Variants in SLC24A2 observed in about 807,000 individuals in gnomAD.
SLC24A2 encodes sodium/potassium/calcium exchanger 2.
Under a neutral mutation model 62.0 loss-of-function variants are expected in SLC24A2, and 36 were observed. That is an observed-to-expected ratio of 0.58 (90% CI 0.44 to 0.77). The LOEUF is 0.77. Among genes scored for constraint, SLC24A2 ranks in the 30% least tolerant of loss-of-function variants. The probability of loss-of-function intolerance (pLI) is 0.00; values close to 1 mark genes in which losing one functional copy is unlikely to be tolerated. For synonymous variants in SLC24A2, 358 were observed against 294.0 expected (o/e 1.22, Z -2.23); for missense variants, 846 against 817.9 (o/e 1.03, Z -0.42).
At chr9:19,677,468 ATAAC>A (rs1387468459) in intron 2 of SLC24A2, among the ~76,000 whole-genome samples, 5 of 152,200 alleles carry the variant, frequency 3.3e-5, no homozygotes, top group Admixed American at 2.6e-4. Flanking sequence ...ATTAGGAAAA[ATAAC>A]TAATAGGTAC....
chr9:20,046,098 G>C, the SLC24A2 span, among the ~76,000 whole-genome samples: 6 of 152,298 alleles, frequency 3.9e-5, no homozygotes, highest in East Asian at 9.6e-4. Flanking sequence ...TGGTGAGTGT[G>C]GTGTCCTCAT....
intron 2 of SLC24A2, among the ~76,000 whole-genome samples, chr9:19,695,970 C>G (rs1305457006): frequency 1.3e-5 from 2 of 152,076 alleles, no homozygotes; most frequent in Non-Finnish European, 2.9e-5. Flanking sequence ...GTCCCCAGTC[C>G]CTGGGCTGTG....
At chr9:19,957,241 T>A in the SLC24A2 span, among the ~76,000 whole-genome samples, 11 of 150,592 alleles carry the variant, frequency 7.3e-5, no homozygotes, top group Non-Finnish European at 1.3e-4. Flanking sequence ...AAGCCAGTTG[T>A]GTCTCTAGAT....
At chr9:19,913,071 A>AT in the SLC24A2 span, among the ~76,000 whole-genome samples, 3 of 151,724 alleles carry the variant, frequency 2.0e-5, no homozygotes, top group South Asian at 4.2e-4. Context: ...CTATTTCTCT[A>AT]TTTTTCTTAG....
chr9:19,666,770 G>C lies in SLC24A2; in HGVS notation c.931-44471C>G, dbSNP rs557977436. On this transcript the variant is annotated intron_variant, in intron 2 of 10. Coordinates refer to ENST00000341998, the MANE Select transcript of SLC24A2 (RefSeq NM_020344.4). ...TGTTTTTTTCAATGCAGGACATCTT[G>C]TCCTTTCCCTGAGGTTATAGTACTT... 1.9e-3 allele frequency among the ~76,000 whole-genome samples: 283 copies of C among 151,966 alleles called. 1 individual carries two copies. The highest frequency in any genetic ancestry group is 3.4e-3 in the Non-Finnish European group (234 of 67,992).
At chr9:20,102,189 G>A in the SLC24A2 span, among the ~76,000 whole-genome samples, 1 of 152,152 alleles carries the variant, frequency 6.6e-6, no homozygotes, top group Non-Finnish European at 1.5e-5. Flanking sequence ...TAAGCCCATG[G>A]AGAACTAAGG....
chr9:19,597,101 A>G, intron 5 of SLC24A2, 128 bp downstream of exon 5: 2 of 704,758 alleles, frequency 2.8e-6, no homozygotes. Context: ...AAAAATGCAG[A>G]AAGAATAGTA....
At chr9:20,146,553 A>T in the SLC24A2 span, among the ~76,000 whole-genome samples, 1 of 152,150 alleles carries the variant, frequency 6.6e-6, no homozygotes, top group Non-Finnish European at 1.5e-5. Flanking sequence ...ATAGGGGAAC[A>T]TGCAGGCAGT....
the SLC24A2 span, among the ~76,000 whole-genome samples, chr9:19,963,712 G>C: frequency 2.2e-3 from 338 of 152,168 alleles, no homozygotes; most frequent in Non-Finnish European, 3.7e-3. Context: ...TAAAAAGTCA[G>C]GAAACAACAG....
intron 4 of SLC24A2, among the ~76,000 whole-genome samples, chr9:19,607,517 C>T (rs556435051): frequency 3.3e-5 from 5 of 151,990 alleles, no homozygotes; most frequent in South Asian, 2.1e-4. Flanking sequence ...GTCAGGAGTT[C>T]GAGACCAGCC....
the SLC24A2 span, among the ~76,000 whole-genome samples, chr9:19,966,706 G>A: frequency 1.3e-5 from 2 of 152,172 alleles, no homozygotes; most frequent in Non-Finnish European, 2.9e-5. Flanking sequence ...ATACAGGAAA[G>A]TGTTGGACTA....
the SLC24A2 span, among the ~76,000 whole-genome samples, chr9:19,980,170 A>C: frequency 6.6e-6 from 1 of 152,172 alleles, no homozygotes; most frequent in Non-Finnish European, 1.5e-5. Flanking sequence ...AAAGGAGAGA[A>C]TCAAGTGATA....
intron 8 of SLC24A2, among the ~76,000 whole-genome samples, chr9:19,535,132 G>C (rs995703323): frequency 1.4e-4 from 22 of 151,942 alleles, no homozygotes; most frequent in African/African-American, 4.8e-4. Flanking sequence ...TTTTTTTCAT[G>C]TTTGCTGGCT....
chr9:19,648,867 C>T (rs1358492734), intron 2 of SLC24A2, among the ~76,000 whole-genome samples: 1 of 151,886 alleles, frequency 6.6e-6, no homozygotes, highest in African/African-American at 2.4e-5. Context: ...TTGGCAGATC[C>T]AGAAAGCTAG....
chr9:19,811,917 G>T, the SLC24A2 span, among the ~76,000 whole-genome samples: 125,946 of 152,002 alleles, frequency 0.83, 53,643 homozygotes, highest in Non-Finnish European at 0.94. Flanking sequence ...GTTTTCTTTC[G>T]GGCTGAAAAA....
the SLC24A2 span, among the ~76,000 whole-genome samples, chr9:20,280,544 C>G: frequency 1.3e-5 from 2 of 152,152 alleles, no homozygotes; most frequent in Non-Finnish European, 2.9e-5. Flanking sequence ...ACCATTGTTA[C>G]TAAAGAGGAA....
Position 19,740,985 on chromosome 9 carries a change from C to T in SLC24A2, c.930+44952G>A, listed in dbSNP as rs10964262. On this transcript the variant is annotated intron_variant, in intron 2 of 10. Transcript: ENST00000341998. ...TGAATCACAGTTTTATTGGCTTTAT[C>T]TGAAGGTAAACATACACTGTGGAAA... is the stretch of plus-strand genomic sequence containing the variant. Among the ~76,000 whole-genome samples the T allele has an allele frequency of 0.032, 4,812 of 152,030 alleles. 626 individuals are homozygous for T. The East Asian group carries it at 0.48, about 15-fold the overall frequency.
chr9:19,997,330 T>C, the SLC24A2 span, among the ~76,000 whole-genome samples: 1 of 152,174 alleles, frequency 6.6e-6, no homozygotes, highest in African/African-American at 2.4e-5. Context: ...CCAGTACCCA[T>C]TTAAGCTTTA....
the SLC24A2 span, among the ~76,000 whole-genome samples, chr9:20,205,664 AAAAAAAAAAACAAAC>A: frequency 4.6e-5 from 7 of 151,248 alleles, no homozygotes; most frequent in African/African-American, 1.7e-4. Flanking sequence ...AAAAAAAAAA[AAAAAAAAAAACAAAC>A]AAAAAAACGT....
Sources: gnomAD v4.1 joint callset for allele counts (sites outside exome capture counted in the v4.1 genomes callset) on GRCh38, gnomAD v4.1.1 for gene constraint, MANE v1.5 for transcripts, NCBI Gene and HGNC (gene_info 2026-07-23, HGNC 2026-07-21) for gene names.